Variants in EPHX4 observed in about 807,000 individuals in gnomAD.
EPHX4 encodes abhydrolase domain containing 7.
In EPHX4, 31 loss-of-function variants were observed where a neutral mutation model predicts 44.9. That is an observed-to-expected ratio of 0.69 (90% CI 0.52 to 0.93). The LOEUF is 0.93. Ranked by LOEUF, EPHX4 falls within the 40% of genes least tolerant of loss-of-function variation. EPHX4 has a pLI of 0.00. For missense variants in EPHX4, 373 were observed against 438.1 expected, an observed-to-expected ratio of 0.85 and a Z score of 1.33; for synonymous variants, 151 against 159.7, an observed-to-expected ratio of 0.95 and a Z score of 0.41.
In EPHX4 at chr1:92,029,988, C is replaced by A. The variant is rs1688328755; in HGVS notation, c.-92C>A. 5 of 838,850 alleles carry A rather than the reference C, an allele frequency of 6.0e-6. No individual in the cohort carries two copies. Among genetic ancestry groups the A allele is most frequent in the Middle Eastern group, 3.3e-4 (1 of 3,060 alleles). 52.0% of individuals were successfully genotyped at this position (838,850 alleles called of 1,614,324 possible). A position where few individuals can be genotyped will look rare whatever the true frequency, so the allele number is the denominator to read the frequency against. Reference sequence around the variant, plus strand: ...GCCGCCCCGGGCCGGGGGAGGCGCGCGTCGAGAGGCGACGGCGGGCTGGCC... The same window carrying A: ...GCCGCCCCGGGCCGGGGGAGGCGCGAGTCGAGAGGCGACGGCGGGCTGGCC... On this transcript the variant is annotated 5_prime_UTR_variant, in exon 1 of 7. Coordinates refer to ENST00000370383, the MANE Select transcript of EPHX4 (RefSeq NM_173567.5).
rs555167555 is a variant in EPHX4 at position 92,062,458 on chromosome 1, A to G, written c.858-597A>G. ...AAATTAGCCAGGCGCATTGGCAGGC[A>G]CCTGTAGTCCCAGCTACTCAGGAGG... On this transcript the variant is annotated intron_variant, in intron 6 of 6. Coordinates refer to ENST00000370383, the MANE Select transcript of EPHX4 (RefSeq NM_173567.5). 2.0e-5 allele frequency among the ~76,000 whole-genome samples: 3 copies of G among 151,960 alleles called. No homozygotes were observed. The East Asian group carries it at 5.8e-4, about 30-fold the overall frequency.
intron 2 of EPHX4, among the ~76,000 whole-genome samples, chr1:92,039,018 A>G (rs770461751): frequency 2.0e-5 from 3 of 152,222 alleles, no homozygotes; most frequent in Middle Eastern, 3.2e-3. Flanking sequence ...TTGAAGATCA[A>G]TATTACCATA....
intron 2 of EPHX4, 91 bp from the exon 3 acceptor site, chr1:92,042,724 CAAAAAAAA>C (rs66834073): frequency 7.3e-6 from 5 of 687,244 alleles, no homozygotes; most frequent in East Asian, 4.2e-5. Flanking sequence ...AACTCTGTCT[CAAAAAAAA>C]AAAAAAAAAA....
Position 92,045,612 on chromosome 1 carries a change from G to T in EPHX4, c.556G>T (p.Val186Leu). The T allele has an allele frequency of 6.2e-7, 1 of 1,614,034 alleles. No homozygotes were observed. ...AATTGCCATCTGTTATCCTGAAATG[G>T]TGATGAAGCTTATTGTTATTAACTT... Reference protein sequence around the residue: ...WLIAICYPEMVMKLIVINFPH... With the variant: ...WLIAICYPEMLMKLIVINFPH... Residue 186 changes from valine (V) to leucine (L), a missense_variant, in exon 4 of 7, where the codon GTG (valine) becomes TTG (leucine). By Grantham distance (32) the Val-to-Leu change is conservative. Coordinates refer to ENST00000370383, the MANE Select transcript of EPHX4 (RefSeq NM_173567.5).
chr1:92,038,611 C>T (rs1383189140), intron 2 of EPHX4, among the ~76,000 whole-genome samples: 6 of 152,012 alleles, frequency 3.9e-5, no homozygotes, highest in Admixed American at 6.6e-5. Flanking sequence ...AGTGCAAAAG[C>T]GTGGAAGGGG....
intron 6 of EPHX4, among the ~76,000 whole-genome samples, chr1:92,056,413 C>T (rs773404237): frequency 2.6e-5 from 4 of 151,964 alleles, no homozygotes; most frequent in South Asian, 2.1e-4. Flanking sequence ...TAATTCTAAA[C>T]GTATAACAAA....
At chr1:92,030,335 G>C in intron 1 of EPHX4, 25 bp downstream of exon 1, 1 of 1,468,012 alleles carries the variant, frequency 6.8e-7, no homozygotes, top group Non-Finnish European at 9.0e-7. Context: ...GGGCCTGGCG[G>C]GAGCGGGAGG....
intron 6 of EPHX4, among the ~76,000 whole-genome samples, chr1:92,054,503 G>A (rs1482863389): frequency 1.3e-5 from 2 of 150,068 alleles, no homozygotes; most frequent in South Asian, 2.1e-4. Flanking sequence ...TAGGAGAATC[G>A]CTTGAACCTG....
chr1:92,058,190 C>T (rs1647413712), intron 6 of EPHX4, among the ~76,000 whole-genome samples: 1 of 152,120 alleles, frequency 6.6e-6, no homozygotes, highest in Admixed American at 6.5e-5. Flanking sequence ...ACCTGTAATC[C>T]CAGCATTTTG....
At chr1:92,032,389 C>T in intron 1 of EPHX4, 116 bp from the exon 2 acceptor site, 1 of 724,746 alleles carries the variant, frequency 1.4e-6, no homozygotes, top group Non-Finnish European at 2.4e-6. Flanking sequence ...ATTGTAAATA[C>T]ACAAATGTTT....
Position 92,030,167 on chromosome 1 carries a change from C to G in EPHX4, c.88C>G (p.Leu30Val), listed in dbSNP as rs144167050. 1.2e-6 allele frequency: 2 copies of G among 1,612,576 alleles called. No individual in the cohort carries two copies. The highest frequency in any genetic ancestry group is 1.7e-6 in the Non-Finnish European group (2 of 1,179,340). The change falls in exon 1 of 7, where the codon CTC becomes GTC. Residue 30 changes from leucine (L) to valine (V), a missense_variant. Physicochemically the swap from Leu to Val is conservative, Grantham distance 32. Transcript: ENST00000370383. ...FWSLVYCYCGLCASIHLLKLL... is the reference protein window; with the variant it reads ...FWSLVYCYCGVCASIHLLKLL... ...GTCCCTGGTCTACTGCTACTGCGGG[C>G]TCTGCGCCTCCATCCACCTGCTCAA...
intron 4 of EPHX4, among the ~76,000 whole-genome samples, chr1:92,046,282 A>G (rs1426871727): frequency 1.3e-5 from 2 of 152,172 alleles, no homozygotes; most frequent in Non-Finnish European, 2.9e-5. Context: ...ATCGTTTTAC[A>G]TTTTTGCAAA....
At chr1:92,040,449 C>T (rs1043612749) in intron 2 of EPHX4, among the ~76,000 whole-genome samples, 4 of 151,810 alleles carry the variant, frequency 2.6e-5, no homozygotes, top group Admixed American at 2.0e-4. Flanking sequence ...CCTCAGCCTC[C>T]CAAGTAGCTG....
intron 6 of EPHX4, among the ~76,000 whole-genome samples, chr1:92,057,100 A>G (rs1647385608): frequency 6.6e-6 from 1 of 152,146 alleles, no homozygotes; most frequent in Non-Finnish European, 1.5e-5. Context: ...ATTGAAAATC[A>G]GTGAGATAAG....
intron 3 of EPHX4, chr1:92,043,182 C>T (rs1163818536): frequency 4.6e-6 from 2 of 435,054 alleles, no homozygotes; most frequent in Non-Finnish European, 4.0e-6. Flanking sequence ...ATTCTGTCTA[C>T]CAGCCAAGAA....
At chr1:92,044,172 T>C (rs1688551454) in intron 3 of EPHX4, among the ~76,000 whole-genome samples, 1 of 152,168 alleles carries the variant, frequency 6.6e-6, no homozygotes, top group Non-Finnish European at 1.5e-5. Context: ...TACAGTAATC[T>C]AATGAGAGCA....
chr1:92,032,674 C>A, intron 2 of EPHX4, 84 bp downstream of exon 2: 1 of 1,120,736 alleles, frequency 8.9e-7, no homozygotes, highest in South Asian at 1.3e-5. Context: ...AACAGAATAT[C>A]ACAGTCTGGG....
At chr1:92,030,348 G>A (rs1281890476) in intron 1 of EPHX4, 38 bp downstream of exon 1, 2 of 1,453,330 alleles carry the variant, frequency 1.4e-6, no homozygotes, top group South Asian at 2.8e-5. Context: ...GCGGGAGGGA[G>A]CGTGACCGCC....
Position 92,050,419 on chromosome 1 carries a change from A to C in EPHX4, c.707A>C (p.Lys236Thr). The C allele has an allele frequency of 6.5e-7, 1 of 1,529,910 alleles. No homozygotes were observed. Among genetic ancestry groups the C allele is most frequent in the African/African-American group, 1.4e-5 (1 of 72,710 alleles). 94.8% of individuals were successfully genotyped at this position (1,529,910 alleles called of 1,614,324 possible). A position where few individuals can be genotyped will look rare whatever the true frequency, so the allele number is the denominator to read the frequency against. The change falls in exon 5 of 7, where the codon AAG becomes ACG. Residue 236 changes from lysine to threonine, a missense_variant and splice_region_variant. Physicochemically the swap from Lys to Thr is moderately conservative, Grantham distance 78. Coordinates refer to ENST00000370383, the MANE Select transcript of EPHX4 (RefSeq NM_173567.5). ...TTTATGTTCTCAATAAATGATTTCA[A>C]GGTAAGCCAAACAAATCAAACAAAT... ...PEFMFSINDFKVLKHLFTSHS... is the reference protein window; with the variant it reads ...PEFMFSINDFTVLKHLFTSHS...
Sources: allele counts gnomAD v4.1 joint callset (sites outside exome capture counted in the v4.1 genomes callset), GRCh38; gene constraint gnomAD v4.1.1; transcripts MANE v1.5; gene names NCBI Gene and HGNC (gene_info 2026-07-23, HGNC 2026-07-21).